The following CELF5 variants were observed in gnomAD, a reference collection of about 807,000 sequenced individuals.
CELF5 encodes the protein CUGBP Elav-like family member 5, also known as CUG-BP and ETR-3 like factor 5.
In CELF5, 6 loss-of-function variants were observed where a neutral mutation model predicts 54.9. That is an observed-to-expected ratio of 0.11 (90% CI 0.06 to 0.22). The LOEUF (loss-of-function observed/expected upper bound fraction) is 0.22, where lower values mean the gene tolerates loss of function less well. Among genes scored for constraint, CELF5 ranks in the 10% least tolerant of loss-of-function variants. CELF5 has a pLI of 1.00. For missense variants in CELF5, 401 were observed against 678.6 expected (o/e 0.59, Z 4.54); for synonymous variants, 271 against 290.9 (o/e 0.93, Z 0.70).
chr19:3,250,376 C>G lies in CELF5; in HGVS notation c.260-609C>G, dbSNP rs898854692. Among the ~76,000 whole-genome samples, 17 of 152,116 alleles carry G rather than the reference C, an allele frequency of 1.1e-4. 1 individual carries two copies. Among genetic ancestry groups the G allele is most frequent in the African/African-American group, 3.9e-4 (16 of 41,402 alleles). ...TGGTGGCGGGCGCCTGTAGTCCCAG[C>G]TACTCGGGAGGCTGAGGCAGGAGAA... is the stretch of plus-strand genomic sequence containing the variant. On this transcript the variant is annotated intron_variant, in intron 1 of 12. Transcript: ENST00000292672.
chr19:3,233,930 G>A (rs2144988147), intron 1 of CELF5, among the ~76,000 whole-genome samples: 1 of 152,334 alleles, frequency 6.6e-6, no homozygotes, highest in South Asian at 2.1e-4. Flanking sequence ...CTTATGCCTG[G>A]CTCTTCTGAG....
chr19:3,266,821 A>AC (rs61454765), intron 2 of CELF5, among the ~76,000 whole-genome samples: 8,976 of 151,094 alleles, frequency 0.059, 820 homozygotes, highest in African/African-American at 0.2. Flanking sequence ...GGGGAGGAAG[A>AC]CCCCCCGGCC....
At chr19:3,254,729 T>C (rs1431299542) in intron 2 of CELF5, among the ~76,000 whole-genome samples, 4 of 151,178 alleles carry the variant, frequency 2.6e-5, no homozygotes, top group Non-Finnish European at 5.9e-5. Flanking sequence ...CATTCATCCA[T>C]TGAGTCACTC....
At chr19:3,252,617 C>T (rs998603690) in intron 2 of CELF5, among the ~76,000 whole-genome samples, 5 of 152,256 alleles carry the variant, frequency 3.3e-5, no homozygotes, top group East Asian at 1.9e-4. Context: ...ATCTGACGTG[C>T]GCCTTCCAGG....
chr19:3,226,955 T>G (rs1026331405), intron 1 of CELF5, among the ~76,000 whole-genome samples: 10 of 151,924 alleles, frequency 6.6e-5, no homozygotes, highest in African/African-American at 2.4e-4. Flanking sequence ...TTGGGGTCCC[T>G]GGGGTACCTC....
At chr19:3,249,346 C>G (rs2079615738) in intron 1 of CELF5, among the ~76,000 whole-genome samples, 2 of 152,170 alleles carry the variant, frequency 1.3e-5, no homozygotes, top group Non-Finnish European at 1.5e-5. Flanking sequence ...TTTCAAAATA[C>G]TTTTGATCTA....
rs868038481 is a variant in CELF5 at position 3,282,384 on chromosome 19, G to A, written c.925G>A (p.Ala309Thr). 5.6e-6 allele frequency: 9 copies of A among 1,610,994 alleles called. No homozygotes were observed. The African/African-American group carries it at 9.3e-5, about 17-fold the overall frequency. ...LHSPPLLGTT[A>T]VPGLVAPITN... Reference sequence around the variant, plus strand: ...CTCACCCCCGCTGCTGGGCACCACCGCTGTGCCTGGCCTCGTGGCTCCCAT... The same window carrying A: ...CTCACCCCCGCTGCTGGGCACCACCACTGTGCCTGGCCTCGTGGCTCCCAT... Residue 309 changes from alanine to threonine, a missense_variant, in exon 8 of 13, where the codon GCT (alanine) becomes ACT (threonine). This residue lies in a region of CELF5 where 143 missense variants were observed against 147.6 expected (regional missense o/e 0.97). Transcript: ENST00000292672. The surrounding 1 kb of genome is among the most constrained non-coding windows in gnomAD (Gnocchi z 5.2).
intron 10 of CELF5, chr19:3,286,309 T>C (rs2080247617): frequency 2.4e-6 from 1 of 414,232 alleles, no homozygotes; most frequent in Non-Finnish European, 4.3e-6. Context: ...TCTGGATTTT[T>C]TGGAAAGGAA....
intron 1 of CELF5, among the ~76,000 whole-genome samples, chr19:3,231,599 GGATGGATGGATGGATA>G (rs1430000975): frequency 2.1e-4 from 31 of 151,208 alleles, no homozygotes; most frequent in African/African-American, 6.8e-4. Flanking sequence ...GTGGGTGGAT[GGATGGATGGATGGATA>G]GATGGATGGA....
At chr19:3,236,537 T>A (rs187369203) in intron 1 of CELF5, among the ~76,000 whole-genome samples, 24 of 151,658 alleles carry the variant, frequency 1.6e-4, no homozygotes, top group African/African-American at 5.6e-4. Context: ...ATCAAAGGGG[T>A]TGAGATGGGA....
intron 10 of CELF5, among the ~76,000 whole-genome samples, chr19:3,288,210 G>C (rs1407806682): frequency 6.6e-6 from 1 of 152,136 alleles, no homozygotes; most frequent in East Asian, 1.9e-4. Flanking sequence ...AGTTACATTG[G>C]AACAGACTTA....
intron 12 of CELF5, chr19:3,296,405 G>A (rs187576596): frequency 6.9e-6 from 1 of 144,296 alleles, no homozygotes; most frequent in Non-Finnish European, 1.5e-5. Context: ...GACCCGGAGG[G>A]GGGGCGGTAG....
At chr19:3,256,464 G>T (rs1161543562) in intron 2 of CELF5, among the ~76,000 whole-genome samples, 1 of 152,088 alleles carries the variant, frequency 6.6e-6, no homozygotes, top group Admixed American at 6.6e-5. Context: ...AAATAAGCAA[G>T]CCAGTGAGAA....
intron 1 of CELF5, among the ~76,000 whole-genome samples, chr19:3,246,919 C>T (rs1344229651): frequency 6.6e-6 from 1 of 152,160 alleles, no homozygotes. Flanking sequence ...ATGAAAGAAG[C>T]CAGACACAAG....
intron 2 of CELF5, among the ~76,000 whole-genome samples, chr19:3,252,531 C>T (rs781228461): frequency 7.2e-5 from 11 of 152,124 alleles, no homozygotes; most frequent in East Asian, 1.9e-4. Flanking sequence ...CCCTTCCCTC[C>T]GGAATTCTCA....
chr19:3,275,791 G>A lies in CELF5; in HGVS notation c.395-65G>A. On this transcript the variant is annotated intron_variant, in intron 3 of 12. Coordinates refer to ENST00000292672, the MANE Select transcript of CELF5 (RefSeq NM_021938.4). This position sits in a 1 kb window ranked among gnomAD's most constrained non-coding sequence, Gnocchi z 6.7. ...GCCGCCTCCACTCTGCTGGAGGGAG[G>A]GAGGAATCCCGGAGGCCCTCCCGGA... The A allele has an allele frequency of 6.5e-7, 1 of 1,543,690 alleles. No homozygotes were observed. Among genetic ancestry groups the A allele is most frequent in the Non-Finnish European group, 8.8e-7 (1 of 1,138,580 alleles).
At chr19:3,292,164 C>G (rs1599492600) in intron 11 of CELF5, among the ~76,000 whole-genome samples, 1 of 151,944 alleles carries the variant, frequency 6.6e-6, no homozygotes, top group African/African-American at 2.4e-5. Flanking sequence ...CCAGGCTGGT[C>G]CCAAACTCCC....
At chr19:3,289,678 T>C (rs2080310365) in intron 10 of CELF5, among the ~76,000 whole-genome samples, 1 of 25,220 alleles carries the variant, frequency 4.0e-5, no homozygotes, top group South Asian at 1.5e-3. Flanking sequence ...CGAGACTCCA[T>C]CTCAAAAAAA....
At chr19:3,245,689 A>G (rs1195212235) in intron 1 of CELF5, among the ~76,000 whole-genome samples, 1 of 152,032 alleles carries the variant, frequency 6.6e-6, no homozygotes, top group Non-Finnish European at 1.5e-5. Flanking sequence ...TCGTTGTCTT[A>G]GTGTAGTTCT....
Sources: allele counts gnomAD v4.1 joint callset (sites outside exome capture counted in the v4.1 genomes callset), GRCh38; gene constraint gnomAD v4.1.1; regional missense constraint gnomAD v4.1.1; non-coding constraint Gnocchi (gnomAD v3.1); transcripts MANE v1.5; gene names NCBI Gene and HGNC (gene_info 2026-07-23, HGNC 2026-07-21).